The following MAP4 variants were observed in gnomAD, a reference collection of about 807,000 sequenced individuals.
MAP4 encodes microtubule associated protein 4, also known as microtubule-associated protein 4.
MAP4 carries 76 observed loss-of-function variants against 170.2 expected under a neutral mutation model. The observed-to-expected ratio is 0.45, with a 90% CI of 0.37 to 0.54. The LOEUF is 0.54. MAP4 is among the 20% of genes least tolerant of loss of function. MAP4 has a pLI of 0.00. For synonymous variants in MAP4, 909 were observed against 994.5 expected, an observed-to-expected ratio of 0.91 and a Z score of 1.62; for missense variants, 2,506 against 2,748.0, an observed-to-expected ratio of 0.91 and a Z score of 1.97.
chr3:47,889,947 A>C (rs921973570), intron 10 of MAP4, among the ~76,000 whole-genome samples: 3 of 151,682 alleles, frequency 2.0e-5, no homozygotes, highest in Non-Finnish European at 4.4e-5. Flanking sequence ...AAAAAAAAAA[A>C]CCCAAAACAT....
intron 1 of MAP4, among the ~76,000 whole-genome samples, chr3:48,011,470 T>G (rs2100105193): frequency 6.6e-6 from 1 of 152,106 alleles, no homozygotes; most frequent in East Asian, 1.9e-4. Context: ...GGAAAATTGC[T>G]TGAACCCAGG....
chr3:48,045,385 C>T lies in MAP4; in HGVS notation c.-20+43388G>A, dbSNP rs559586643. Among the ~76,000 whole-genome samples, 7 of 152,062 alleles carry T rather than the reference C, an allele frequency of 4.6e-5. No homozygotes were observed. The South Asian group carries it at 8.3e-4, about 18-fold the overall frequency. On this transcript the variant is annotated intron_variant, in intron 1 of 18. Coordinates refer to the MAP4 transcript ENST00000360240. ...AAGCAGGAGGTGAGCGAAGGGCAGG[C>T]GAGCATCTCTGCCTCCTGTCACATC...
intron 2 of MAP4, among the ~76,000 whole-genome samples, chr3:47,980,751 T>A (rs916870159): frequency 6.6e-6 from 1 of 152,208 alleles, no homozygotes; most frequent in Non-Finnish European, 1.5e-5. Context: ...ACATTTGGCA[T>A]AAGTAAATTC....
chr3:47,851,411 G>A lies in MAP4; in HGVS notation c.*1523C>T, dbSNP rs933788248. Reference sequence around the variant, plus strand: ...TAGGTCAAGACCCCTACCTTCTCCAGGGATGCCAGGACCAGAGAAGGGCAG... The same window carrying A: ...TAGGTCAAGACCCCTACCTTCTCCAAGGATGCCAGGACCAGAGAAGGGCAG... On this transcript the variant is annotated 3_prime_UTR_variant, in exon 21 of 21. Coordinates refer to ENST00000683076, the MANE Select transcript of MAP4 (RefSeq NM_001385682.1). The A allele has an allele frequency of 2.0e-5, 3 of 152,208 alleles. No individual in the cohort carries two copies. The highest frequency in any genetic ancestry group is 4.4e-5 in the Non-Finnish European group (3 of 68,056). 9.4% of individuals were successfully genotyped at this position (152,208 alleles called of 1,614,324 possible).
chr3:48,077,584 C>G (rs1432063271), intron 1 of MAP4, among the ~76,000 whole-genome samples: 1 of 151,832 alleles, frequency 6.6e-6, no homozygotes, highest in East Asian at 1.9e-4. Context: ...AAGCAGTCCA[C>G]CCTCCTCAGC....
intron 1 of MAP4, chr3:48,039,201 A>C (rs988300784): frequency 6.6e-6 from 1 of 152,280 alleles, no homozygotes; most frequent in Admixed American, 6.5e-5. Flanking sequence ...ATCTCTTAAC[A>C]GAAAGAGGTA....
At position 47,910,004 on chromosome 3, in the gene MAP4, T is replaced by C. The variant is rs1366817048; in HGVS notation, c.4417A>G (p.Ile1473Val). The change falls in exon 9 of 21, where the codon ATT (isoleucine) becomes GTT (valine). Residue 1473 changes from isoleucine to valine, a missense_variant. Around this residue, in one of 3 missense-constraint regions of MAP4, gnomAD observed 2,008 missense variants for 2,206.0 expected, o/e 0.91. Transcript: ENST00000683076. The part of the protein sequence containing the change: ...KNGQEIAPAQ[I>V]SKSLMVDNYT... Reference sequence around the variant, plus strand: ...TTATCTACCATTAATGATTTGGAAATCTGGGCTGGGGCTATCTCTTGCCCA... The same window carrying C: ...TTATCTACCATTAATGATTTGGAAACCTGGGCTGGGGCTATCTCTTGCCCA... 8 of 1,613,918 alleles carry C rather than the reference T, an allele frequency of 5.0e-6. No individual in the cohort carries two copies. The highest frequency in any genetic ancestry group is 2.2e-5 in the South Asian group (2 of 91,092).
Position 47,911,720 on chromosome 3 carries a change from A to G in MAP4, c.2701T>C (p.Tyr901His). 6.5e-7 allele frequency: 1 copy of G among 1,536,086 alleles called. No individual in the cohort carries two copies. The highest frequency in any genetic ancestry group is 8.7e-7 in the Non-Finnish European group (1 of 1,146,886). Residue 901 changes from tyrosine (Y) to histidine (H), a missense_variant, in exon 9 of 21, where the codon TAC (tyrosine) becomes CAC (histidine). Tyr to His is a moderately conservative substitution (Grantham distance 83, BLOSUM62 2). This residue lies in a region of MAP4 where 2,008 missense variants were observed against 2,206.0 expected (regional missense o/e 0.91). Transcript: ENST00000683076. This position sits in a 1 kb window ranked among gnomAD's most constrained non-coding sequence, Gnocchi z 4.0. ...AGGTGGGGTGCAGGCTGTGGTTTGT[A>G]TTCATGTTGCTTCAGCAATTTCTTG... ...QDKKLLKQHE[Y>H]KPQPAPHLKT...
At chr3:47,930,064 A>G (rs1224645718) in intron 3 of MAP4, among the ~76,000 whole-genome samples, 1 of 152,192 alleles carries the variant, frequency 6.6e-6, no homozygotes, top group Non-Finnish European at 1.5e-5. Flanking sequence ...TGGGAGGCGA[A>G]GGTTGCAGTG....
intron 1 of MAP4, among the ~76,000 whole-genome samples, chr3:48,040,282 T>C (rs894370285): frequency 1.3e-5 from 2 of 152,176 alleles, no homozygotes; most frequent in African/African-American, 4.8e-5. Context: ...TTTTTATTTT[T>C]TTTTGAGACG....
chr3:47,966,308 C>T (rs1047694103), intron 3 of MAP4, among the ~76,000 whole-genome samples: 11 of 123,856 alleles, frequency 8.9e-5, no homozygotes, highest in African/African-American at 1.6e-4. Context: ...AGTGCAGTGG[C>T]GCAATCTTGG....
intron 12 of MAP4, among the ~76,000 whole-genome samples, chr3:47,874,865 T>G (rs2094748260): frequency 6.6e-6 from 1 of 150,968 alleles, no homozygotes; most frequent in Non-Finnish European, 1.5e-5. Flanking sequence ...AAACTGACAT[T>G]TTAACATGGG....
rs562799573 is a variant in MAP4 at position 47,918,722 on chromosome 3, C to A, written c.649G>T (p.Ala217Ser). The A allele has an allele frequency of 6.2e-7, 1 of 1,608,648 alleles. No homozygotes were observed. The highest frequency in any genetic ancestry group is 2.2e-5 in the East Asian group (1 of 44,778). ...AAGGGAGTCTCTAATAGTTTACCTG[C>A]CGTTGGCTGAGGAGGTTCTGCAACA... is the stretch of plus-strand genomic sequence containing the variant. ...EAVAEPPQPT[A>S]VPLELAKEIE... The change falls in exon 6 of 21, where the codon GCA becomes TCA. Residue 217 changes from alanine to serine, a missense_variant. This residue lies in a region of MAP4 where 2,008 missense variants were observed against 2,206.0 expected (regional missense o/e 0.91). Transcript: ENST00000683076.
chr3:48,021,527 T>C (rs1247180403), intron 1 of MAP4, among the ~76,000 whole-genome samples: 2 of 152,182 alleles, frequency 1.3e-5, no homozygotes, highest in Non-Finnish European at 2.9e-5. Flanking sequence ...TTTGTATTTT[T>C]AGTAGAGACA....
intron 3 of MAP4, among the ~76,000 whole-genome samples, chr3:47,956,190 A>G (rs1323170361): frequency 2.0e-5 from 3 of 152,126 alleles, no homozygotes; most frequent in Non-Finnish European, 2.9e-5. Context: ...AAAAAATTCA[A>G]GCAGGTCCAG....
intron 3 of MAP4, among the ~76,000 whole-genome samples, chr3:47,951,331 C>T (rs2100063639): frequency 6.6e-6 from 1 of 151,960 alleles, no homozygotes; most frequent in African/African-American, 2.4e-5. Flanking sequence ...CCTCTCCCTC[C>T]TCTCCCTCCT....
intron 5 of MAP4, among the ~76,000 whole-genome samples, chr3:47,920,878 C>A (rs1274334318): frequency 6.6e-6 from 1 of 152,122 alleles, no homozygotes; most frequent in African/African-American, 2.4e-5. Flanking sequence ...AAAAATGTGG[C>A]TGGGTGCAAA....
At position 48,028,027 on chromosome 3, in the gene MAP4, C is replaced by CAG. The variant is rs560702403; in HGVS notation, c.-19-29149_-19-29148insCT. ...GTTGCAGGGGCCAGGCACTGTGGCT[C>CAG]ACGCCTGTAATCCCAGTACTTTGGG... On this transcript the variant is annotated intron_variant, in intron 1 of 18. Transcript: ENST00000360240. 2.6e-5 allele frequency among the ~76,000 whole-genome samples: 4 copies of CAG among 152,326 alleles called. No individual in the cohort carries two copies. The South Asian group carries it at 8.3e-4, about 32-fold the overall frequency.
Position 47,851,339 on chromosome 3 carries a change from G to C in MAP4, c.*1595C>G, listed in dbSNP as rs990756341. The C allele has an allele frequency of 6.6e-6, 1 of 152,222 alleles. No individual in the cohort carries two copies. Among genetic ancestry groups the C allele is most frequent in the Admixed American group, 6.5e-5 (1 of 15,288 alleles). The allele number at this position is 152,222 out of a possible 1,614,324, so 9.4% of individuals were successfully genotyped here. On this transcript the variant is annotated 3_prime_UTR_variant, in exon 21 of 21. Coordinates refer to ENST00000683076, the MANE Select transcript of MAP4 (RefSeq NM_001385682.1). Reference sequence around the variant, plus strand: ...GCTACCTCAGAAAGGGGGAGGACCTGTCAGGCCCAGGACAGCCTCCCTGCA... The same window carrying C: ...GCTACCTCAGAAAGGGGGAGGACCTCTCAGGCCCAGGACAGCCTCCCTGCA...
Sources: allele counts gnomAD v4.1 joint callset (sites outside exome capture counted in the v4.1 genomes callset), GRCh38; gene constraint gnomAD v4.1.1; regional missense constraint gnomAD v4.1.1; non-coding constraint Gnocchi (gnomAD v3.1); transcripts MANE v1.5; gene names NCBI Gene and HGNC (gene_info 2026-07-23, HGNC 2026-07-21).